The following MSRA variants were observed in gnomAD, a reference collection of about 807,000 sequenced individuals.
MSRA encodes mitochondrial peptide methionine sulfoxide reductase.
MSRA carries 54 observed loss-of-function variants against 31.3 expected under a neutral mutation model. That is an observed-to-expected ratio of 1.73 (90% CI 1.39 to 2.17). The LOEUF is 2.17. MSRA is among the 30% of genes most tolerant of loss of function. The pLI, the probability that MSRA is intolerant of heterozygous loss-of-function variation, is 0.00. For synonymous variants in MSRA, 169 were observed against 116.5 expected (o/e 1.45, Z -2.90); for missense variants, 507 against 300.9 (o/e 1.69, Z -5.07).
chr8:10,107,528 G>A (rs1317433441), intron 1 of MSRA, among the ~76,000 whole-genome samples: 2 of 152,110 alleles, frequency 1.3e-5, no homozygotes, highest in Non-Finnish European at 2.9e-5. Flanking sequence ...CTTCCACCTG[G>A]ATTCCTTCTA....
At chr8:10,328,940 C>G (rs1802534325) in intron 5 of MSRA, among the ~76,000 whole-genome samples, 1 of 152,184 alleles carries the variant, frequency 6.6e-6, no homozygotes. Flanking sequence ...AGGCTGTGGA[C>G]ATGCTGCCTG....
At chr8:10,368,166 C>CCTT (rs377021836) in intron 5 of MSRA, among the ~76,000 whole-genome samples, 1 of 152,190 alleles carries the variant, frequency 6.6e-6, no homozygotes, top group African/African-American at 2.4e-5. Flanking sequence ...GACAAGTGTA[C>CCTT]CTTCACACAT....
intron 5 of MSRA, among the ~76,000 whole-genome samples, chr8:10,399,235 T>A (rs927497518): frequency 1.3e-5 from 2 of 152,176 alleles, no homozygotes; most frequent in Admixed American, 1.3e-4. Context: ...TCTGACAATG[T>A]CTAGGGGGAG....
intron 1 of MSRA, among the ~76,000 whole-genome samples, chr8:10,079,759 GCTT>G (rs920294163): frequency 6.6e-6 from 1 of 152,128 alleles, no homozygotes; most frequent in Non-Finnish European, 1.5e-5. Context: ...TGTCAACTGG[GCTT>G]CTTCTCTTAT....
intron 1 of MSRA, among the ~76,000 whole-genome samples, chr8:10,101,111 G>T (rs531838254): frequency 2.0e-5 from 3 of 152,168 alleles, no homozygotes; most frequent in African/African-American, 7.2e-5. Flanking sequence ...TTGGGTTAGA[G>T]ATAATGTTCC....
Position 10,071,488 on chromosome 8 carries a change from CA to C in MSRA, c.142+16831del, listed in dbSNP as rs537572412. Among the ~76,000 whole-genome samples, 93 of 132,492 alleles carry C rather than the reference CA, an allele frequency of 7.0e-4. 1 individual carries two copies. Among genetic ancestry groups the C allele is most frequent in the Non-Finnish European group, 7.9e-5 (5 of 63,446 alleles). 86.9% of individuals were successfully genotyped at this position (132,492 alleles called of 152,430 possible). A position where few individuals can be genotyped will look rare whatever the true frequency, so the allele number is the denominator to read the frequency against. Reference sequence around the variant, plus strand: ...TTTTTTTTTTTTCTTAAGACTTGTACAGAGTAAAAGTTTTTAATTCTGATGA... The same window carrying C: ...TTTTTTTTTTTTCTTAAGACTTGTACGAGTAAAAGTTTTTAATTCTGATGA... On this transcript the variant is annotated intron_variant, in intron 1 of 5. Transcript: ENST00000317173.
At chr8:10,393,080 A>AAC (rs1806865450) in intron 5 of MSRA, among the ~76,000 whole-genome samples, 3 of 151,244 alleles carry the variant, frequency 2.0e-5, no homozygotes, top group African/African-American at 4.9e-5. Context: ...AAAAAAAAAA[A>AAC]AAAGTTCTGT....
chr8:10,409,913 G>C (rs972198410), intron 5 of MSRA, among the ~76,000 whole-genome samples: 30 of 152,168 alleles, frequency 2.0e-4, no homozygotes, highest in African/African-American at 6.0e-4. Context: ...AAAAGAATTA[G>C]CCTGGCATGG....
chr8:10,163,976 A>T (rs1451890093), intron 1 of MSRA, among the ~76,000 whole-genome samples: 1 of 152,256 alleles, frequency 6.6e-6, no homozygotes, highest in Non-Finnish European at 1.5e-5. Flanking sequence ...GACAGTAATA[A>T]TGTTGGGCCC....
intron 5 of MSRA, among the ~76,000 whole-genome samples, chr8:10,328,785 C>G (rs1478034482): frequency 1.3e-5 from 2 of 152,134 alleles, no homozygotes. Context: ...TTCCAGAGAA[C>G]TGGGGACTCA....
At chr8:10,260,752 TGC>T (rs1176937385) in intron 3 of MSRA, among the ~76,000 whole-genome samples, 2 of 152,184 alleles carry the variant, frequency 1.3e-5, no homozygotes, top group Non-Finnish European at 2.9e-5. Context: ...TTACATTGTG[TGC>T]GTGTGTGTGT....
chr8:10,193,829 T>A (rs894669893), intron 1 of MSRA, among the ~76,000 whole-genome samples: 8 of 152,184 alleles, frequency 5.3e-5, no homozygotes, highest in Non-Finnish European at 1.0e-4. Flanking sequence ...AAGAAAATGT[T>A]AGAGTAGCTG....
At chr8:10,118,896 T>C (rs771770555) in intron 1 of MSRA, among the ~76,000 whole-genome samples, 9 of 152,128 alleles carry the variant, frequency 5.9e-5, no homozygotes, top group Non-Finnish European at 1.2e-4. Flanking sequence ...TGGGAAGGCA[T>C]ATGGGAATGT....
At chr8:10,130,686 G>A (rs1389239113) in intron 1 of MSRA, among the ~76,000 whole-genome samples, 1 of 152,212 alleles carries the variant, frequency 6.6e-6, no homozygotes, top group Non-Finnish European at 1.5e-5. Flanking sequence ...GAAACCAACA[G>A]TGCCAGTAAT....
At chr8:10,095,473 G>T in intron 1 of MSRA, 1 of 985,426 alleles carries the variant, frequency 1.0e-6, no homozygotes, top group Non-Finnish European at 1.2e-6. Context: ...ACATCTTTTG[G>T]AGACAAGAAT....
At chr8:10,160,874 C>A (rs1039426638) in intron 1 of MSRA, among the ~76,000 whole-genome samples, 1 of 152,048 alleles carries the variant, frequency 6.6e-6, no homozygotes, top group Non-Finnish European at 1.5e-5. Flanking sequence ...GACTTGAGTT[C>A]CAAATAAATA....
chr8:10,135,004 A>G (rs952678179), intron 1 of MSRA, among the ~76,000 whole-genome samples: 5 of 152,386 alleles, frequency 3.3e-5, no homozygotes, highest in Admixed American at 1.3e-4. Flanking sequence ...TCTCAATCAC[A>G]TTAACATTTT....
intron 1 of MSRA, among the ~76,000 whole-genome samples, chr8:10,141,946 A>G (rs988009101): frequency 1.3e-5 from 2 of 151,936 alleles, no homozygotes; most frequent in Non-Finnish European, 2.9e-5. Context: ...TACTCTCCCA[A>G]TTTTCAGGAT....
intron 1 of MSRA, among the ~76,000 whole-genome samples, chr8:10,117,001 C>G (rs2129016178): frequency 6.6e-6 from 1 of 152,138 alleles, no homozygotes; most frequent in South Asian, 2.1e-4. Flanking sequence ...GGCAGAGGCT[C>G]AAATGTAGGT....
Sources: gnomAD v4.1 joint callset for allele counts (sites outside exome capture counted in the v4.1 genomes callset) on GRCh38, gnomAD v4.1.1 for gene constraint, MANE v1.5 for transcripts, NCBI Gene and HGNC (gene_info 2026-07-23, HGNC 2026-07-21) for gene names.